The following SP1 variants were observed in gnomAD, a reference collection of about 807,000 sequenced individuals.
SP1 encodes the protein Sp1 transcription factor.
A neutral mutation model predicts 66.3 loss-of-function variants in SP1; 6 were observed. That is an observed-to-expected ratio of 0.09 (90% confidence interval 0.05 to 0.18). The LOEUF (loss-of-function observed/expected upper bound fraction) is 0.18. Ranked by LOEUF, SP1 falls within the 10% of genes least tolerant of loss-of-function variation. SP1 has a pLI of 1.00. For missense variants in SP1, 848 were observed against 964.5 expected, an observed-to-expected ratio of 0.88 and a Z score of 1.60; for synonymous variants, 417 against 360.8, an observed-to-expected ratio of 1.16 and a Z score of -1.77.
chr12:53,398,653 T>C (rs754029253), intron 3 of SP1, among the ~76,000 whole-genome samples: 6 of 152,174 alleles, frequency 3.9e-5, no homozygotes, highest in Non-Finnish European at 8.8e-5. Context: ...ATAAATACGA[T>C]GTGAAGGAGA....
At chr12:53,400,532 G>A (rs577221506) in intron 3 of SP1, among the ~76,000 whole-genome samples, 1 of 152,188 alleles carries the variant, frequency 6.6e-6, no homozygotes, top group Non-Finnish European at 1.5e-5. Flanking sequence ...ATATACATAG[G>A]AGTGGAGTTA....
rs914395045 is a variant in SP1 at position 53,415,924 on chromosome 12, G to C, written c.*4684G>C. The C allele has an allele frequency of 6.6e-6, 1 of 152,444 alleles. No homozygotes were observed. The highest frequency in any genetic ancestry group is 2.4e-5 in the African/African-American group (1 of 41,392). The allele number at this position is 152,444 out of a possible 1,614,324, so 9.4% of individuals were successfully genotyped here. On this transcript the variant is annotated 3_prime_UTR_variant, in exon 6 of 6. Coordinates refer to ENST00000327443, the MANE Select transcript of SP1 (RefSeq NM_138473.3). ...CTAGAGTCTAGGGCACAAAGACTTC[G>C]GGGAAGATACACTGAGATTGACCTG... is the stretch of plus-strand genomic sequence containing the variant.
Position 53,415,986 on chromosome 12 carries a change from G to A in SP1, c.*4746G>A, listed in dbSNP as rs1938988417. 6.6e-6 allele frequency: 1 copy of A among 152,632 alleles called. No individual in the cohort carries two copies. The highest frequency in any genetic ancestry group is 1.5e-5 in the Non-Finnish European group (1 of 68,074). 9.5% of individuals were successfully genotyped at this position (152,632 alleles called of 1,614,324 possible). ...ACACACACCAGTGGCAGCTGCCCCA[G>A]GGCCTGCTTCCCCTTCCTAAGTCTG... On this transcript the variant is annotated 3_prime_UTR_variant, in exon 6 of 6. Transcript: ENST00000327443.
Position 53,415,635 on chromosome 12 carries a change from A to AG in SP1, c.*4399dup, listed in dbSNP as rs942955477. 7 of 148,798 alleles carry AG rather than the reference A, an allele frequency of 4.7e-5. No homozygotes were observed. The highest frequency in any genetic ancestry group is 3.9e-4 in the East Asian group (2 of 5,066). 9.2% of individuals were successfully genotyped at this position (148,798 alleles called of 1,614,324 possible). A position where few individuals can be genotyped will look rare whatever the true frequency, so the allele number is the denominator to read the frequency against. ...CTGCCCTAAGTCCTAGCTAAGTATC[A>AG]GGGGAAAAAAAAAAAAAAAAAGCCT... On this transcript the variant is annotated 3_prime_UTR_variant, in exon 6 of 6. Transcript: ENST00000327443.
chr12:53,397,620 T>C (rs1938520049), intron 3 of SP1, among the ~76,000 whole-genome samples: 1 of 148,464 alleles, frequency 6.7e-6, no homozygotes, highest in Admixed American at 6.8e-5. Flanking sequence ...GGAGTCCTGC[T>C]CTTCGCCCAG....
In SP1 at chr12:53,415,007, G is replaced by T. The variant is rs1938967376; in HGVS notation, c.*3767G>T. On this transcript the variant is annotated 3_prime_UTR_variant, in exon 6 of 6. Coordinates refer to ENST00000327443, the MANE Select transcript of SP1 (RefSeq NM_138473.3). ...AAGCTGGGTAGCCTATTGGGGTTGA[G>T]AGGGAAAATGTGAAATCTCAGAATT... 2.0e-5 allele frequency: 3 copies of T among 152,700 alleles called. No individual in the cohort carries two copies. In the South Asian group the frequency reaches 6.2e-4, roughly 32 times the overall value. 9.5% of individuals were successfully genotyped at this position (152,700 alleles called of 1,614,324 possible). A position where few individuals can be genotyped will look rare whatever the true frequency, so the allele number is the denominator to read the frequency against.
At chr12:53,409,218 C>CTG (rs68053616) in intron 4 of SP1, 144 bp from the exon 5 acceptor site, 110,754 of 650,828 alleles carry the variant, frequency 0.17, 9,901 homozygotes, top group East Asian at 0.21. Flanking sequence ...GAGTGAGACT[C>CTG]TCTCAAAAAA....
At chr12:53,400,347 CTTT>C (rs1037805877) in intron 3 of SP1, among the ~76,000 whole-genome samples, 1 of 151,922 alleles carries the variant, frequency 6.6e-6, no homozygotes, top group African/African-American at 2.4e-5. Context: ...TGTTAGTACT[CTTT>C]TTTTTATTGC....
intron 4 of SP1, among the ~76,000 whole-genome samples, chr12:53,408,434 G>A (rs530117002): frequency 8.2e-4 from 123 of 150,580 alleles, no homozygotes; most frequent in Admixed American, 1.8e-3. Flanking sequence ...TGGGGACCAT[G>A]TTGATAAGAC....
rs375923944 is a variant in SP1, at chr12:53,411,164, G to A, written c.2282G>A (p.Arg761His). 8.4e-5 allele frequency: 135 copies of A among 1,613,944 alleles called. No homozygotes were observed. Among genetic ancestry groups the A allele is most frequent in the Non-Finnish European group, 1.0e-4 (120 of 1,180,026 alleles). ...MEAICPEGIA[R>H]LANSGINVMQ... ...GCCATCTGTCCAGAGGGCATTGCCCGTCTTGCCAACAGTGGCATCAACGTC... is the reference window on the plus strand; with the variant it reads ...GCCATCTGTCCAGAGGGCATTGCCCATCTTGCCAACAGTGGCATCAACGTC... Residue 761 changes from arginine to histidine, a missense_variant, in exon 6 of 6, where the codon CGT becomes CAT. By Grantham distance (29) the Arg-to-His change is conservative. Coordinates refer to ENST00000327443, the MANE Select transcript of SP1 (RefSeq NM_138473.3).
chr12:53,384,771 G>C (rs114609067), intron 3 of SP1, among the ~76,000 whole-genome samples: 5 of 152,060 alleles, frequency 3.3e-5, no homozygotes, highest in Admixed American at 6.6e-5. Flanking sequence ...GATGGGTTGA[G>C]TTCAGGAGTT....
At chr12:53,405,586 C>T (rs1240932220) in intron 3 of SP1, among the ~76,000 whole-genome samples, 5 of 151,956 alleles carry the variant, frequency 3.3e-5, no homozygotes, top group South Asian at 2.1e-4. Context: ...AGGAGAATCA[C>T]TTGAACCCAG....
At chr12:53,404,199 G>A (rs1420313950) in intron 3 of SP1, among the ~76,000 whole-genome samples, 1 of 151,336 alleles carries the variant, frequency 6.6e-6, no homozygotes, top group Non-Finnish European at 1.5e-5. Flanking sequence ...GAAGTCTTGA[G>A]AAGAATATTA....
At chr12:53,396,720 G>A (rs1807781548) in intron 3 of SP1, among the ~76,000 whole-genome samples, 1 of 152,132 alleles carries the variant, frequency 6.6e-6, no homozygotes, top group East Asian at 1.9e-4. Flanking sequence ...GCAGACAAAT[G>A]TATGAAATAA....
intron 4 of SP1, among the ~76,000 whole-genome samples, chr12:53,409,159 A>G (rs1020160693): frequency 1.4e-4 from 21 of 152,118 alleles, no homozygotes; most frequent in African/African-American, 4.6e-4. Context: ...TAGGAGGCGG[A>G]GGTTGCAGTG....
chr12:53,382,237 C>T lies in SP1; in HGVS notation c.290C>T (p.Ala97Val). 1 of 1,614,164 alleles carries T rather than the reference C, an allele frequency of 6.2e-7. No homozygotes were observed. Among genetic ancestry groups the T allele is most frequent in the Non-Finnish European group, 8.5e-7 (1 of 1,180,026 alleles). Residue 97 changes from alanine (A) to valine (V), a missense_variant, in exon 3 of 6, where the codon GCC becomes GTC. Physicochemically the swap from Ala to Val is moderately conservative, Grantham distance 64. Transcript: ENST00000327443. ...GGAACAGGTGAGCTTGACCTCACAG[C>T]CACACAACTTTCACAGGGTGCCAAT... is the stretch of plus-strand genomic sequence containing the variant. The part of the protein sequence containing the change: ...SGGTGELDLT[A>V]TQLSQGANGW...
chr12:53,387,481 CA>C (rs1386297323), intron 3 of SP1, among the ~76,000 whole-genome samples: 7 of 152,114 alleles, frequency 4.6e-5, no homozygotes, highest in African/African-American at 1.7e-4. Flanking sequence ...TTTAACAAGA[CA>C]GTAATTTTCT....
chr12:53,410,718 C>G (rs1195783625), intron 5 of SP1, among the ~76,000 whole-genome samples: 1 of 152,112 alleles, frequency 6.6e-6, no homozygotes, highest in Non-Finnish European at 1.5e-5. Flanking sequence ...TGGTCTTGAT[C>G]TCCTGACCTC....
rs556558125 is a variant in SP1, at chr12:53,392,909, C to T, written c.1675+9287C>T. ...GCAGTATCTCAGCTCACTGCAACCT[C>T]CACCTCTCGGGTTCAAGCGATTCTC... On this transcript the variant is annotated intron_variant, in intron 3 of 5. Coordinates refer to ENST00000327443, the MANE Select transcript of SP1 (RefSeq NM_138473.3). Among the ~76,000 whole-genome samples the T allele has an allele frequency of 1.1e-3, 169 of 152,182 alleles. 1 individual carries two copies. Among genetic ancestry groups the T allele is most frequent in the Non-Finnish European group, 2.1e-4 (14 of 68,008 alleles).
Sources: gnomAD v4.1 joint callset for allele counts (sites outside exome capture counted in the v4.1 genomes callset) on GRCh38, gnomAD v4.1.1 for gene constraint, MANE v1.5 for transcripts, NCBI Gene and HGNC (gene_info 2026-07-23, HGNC 2026-07-21) for gene names.